FLRT2: variants seen among roughly 807,000 people sequenced by gnomAD.
FLRT2 encodes the protein fibronectin leucine rich transmembrane protein 2, also known as leucine-rich repeat transmembrane protein FLRT2.
FLRT2 carries 15 observed loss-of-function variants against 40.0 expected under a neutral mutation model. That is an observed-to-expected ratio of 0.38 (90% CI 0.25 to 0.58). FLRT2 has a LOEUF of 0.58. Among genes scored for constraint, FLRT2 ranks in the 20% least tolerant of loss-of-function variants. The pLI, the probability that FLRT2 is intolerant of heterozygous loss-of-function variation, is 0.71. For synonymous variants in FLRT2, 380 were observed against 336.8 expected (o/e 1.13, Z -1.41); for missense variants, 726 against 840.0 (o/e 0.86, Z 1.68).
At chr14:85,611,488 C>T (rs917802351) in intron 1 of FLRT2, among the ~76,000 whole-genome samples, 7 of 152,134 alleles carry the variant, frequency 4.6e-5, no homozygotes, top group East Asian at 1.9e-4. Context: ...AATGGAGGCT[C>T]ATCAGGAAAG....
rs543455496 is a variant in FLRT2 at position 85,625,490 on chromosome 14, G to A, written c.*1993G>A. On this transcript the variant is annotated 3_prime_UTR_variant, in exon 2 of 2. Coordinates refer to ENST00000330753, the MANE Select transcript of FLRT2 (RefSeq NM_013231.6). ...GAAAATATAACTGCAGCTGTATGTC[G>A]TAGACACAAGAATTGAAACTGTGCA... 1.3e-4 allele frequency: 21 copies of A among 167,012 alleles called. No individual in the cohort carries two copies. The highest frequency in any genetic ancestry group is 2.1e-4 in the South Asian group (1 of 4,824). 10.3% of individuals were successfully genotyped at this position (167,012 alleles called of 1,614,324 possible). A position where few individuals can be genotyped will look rare whatever the true frequency, so the allele number is the denominator to read the frequency against.
intron 1 of FLRT2, among the ~76,000 whole-genome samples, chr14:85,541,045 G>A (rs1356446872): frequency 6.6e-6 from 1 of 152,118 alleles, no homozygotes; most frequent in Admixed American, 6.6e-5. Context: ...GCTAGGTAGT[G>A]CCAGTTTAGC....
At chr14:85,556,726 T>A (rs528301162) in intron 1 of FLRT2, among the ~76,000 whole-genome samples, 1 of 152,358 alleles carries the variant, frequency 6.6e-6, no homozygotes, top group African/African-American at 2.4e-5. Flanking sequence ...ATACATAGAA[T>A]AGTGCTTGGC....
intron 1 of FLRT2, among the ~76,000 whole-genome samples, chr14:85,572,927 AAG>A (rs1174289473): frequency 6.6e-6 from 1 of 152,066 alleles, no homozygotes; most frequent in African/African-American, 2.4e-5. Flanking sequence ...TAACTCTCTC[AAG>A]AGAGAGTTTT....
At chr14:85,556,885 T>C (rs140181977) in intron 1 of FLRT2, among the ~76,000 whole-genome samples, 59 of 152,316 alleles carry the variant, frequency 3.9e-4, no homozygotes, top group African/African-American at 1.1e-3. Flanking sequence ...AGAGGTTTAA[T>C]TGGGCTTACA....
chr14:85,580,505 G>T (rs1891337854), intron 1 of FLRT2, among the ~76,000 whole-genome samples: 1 of 152,084 alleles, frequency 6.6e-6, no homozygotes, highest in African/African-American at 2.4e-5. Flanking sequence ...TTAGAAAATA[G>T]TATTCACACA....
chr14:85,554,420 A>G (rs1307053930), intron 1 of FLRT2, among the ~76,000 whole-genome samples: 1 of 152,166 alleles, frequency 6.6e-6, no homozygotes, highest in Non-Finnish European at 1.5e-5. Flanking sequence ...GTTGTATAGG[A>G]TGTACAGTAT....
chr14:85,584,215 A>G (rs1052767526), intron 1 of FLRT2, among the ~76,000 whole-genome samples: 4 of 152,186 alleles, frequency 2.6e-5, no homozygotes, highest in Non-Finnish European at 5.9e-5. Flanking sequence ...AGCAAAATGA[A>G]CAAGTTGATT....
chr14:85,625,503 T>C lies in FLRT2; in HGVS notation c.*2006T>C, dbSNP rs1402288450. 1 of 167,044 alleles carries C rather than the reference T, an allele frequency of 6.0e-6. No individual in the cohort carries two copies. The highest frequency in any genetic ancestry group is 1.9e-4 in the East Asian group (1 of 5,206). The allele number at this position is 167,044 out of a possible 1,614,324, so 10.3% of individuals were successfully genotyped here. ...CAGCTGTATGTCGTAGACACAAGAA[T>C]TGAAACTGTGCAGTCAGTAGAGCTG... On this transcript the variant is annotated 3_prime_UTR_variant, in exon 2 of 2. Transcript: ENST00000330753.
intron 1 of FLRT2, among the ~76,000 whole-genome samples, chr14:85,584,938 G>T (rs187453098): frequency 2.6e-5 from 4 of 151,916 alleles, no homozygotes; most frequent in African/African-American, 7.2e-5. Context: ...GTGGCAGGGC[G>T]GGGGGAAGGT....
At chr14:85,562,465 G>A (rs1277750452) in intron 1 of FLRT2, among the ~76,000 whole-genome samples, 1 of 152,124 alleles carries the variant, frequency 6.6e-6, no homozygotes, top group Non-Finnish European at 1.5e-5. Flanking sequence ...GGGAAACTCA[G>A]TCTCCTCCTC....
rs1595101257 is a variant in FLRT2 at position 85,624,625 on chromosome 14, C to T, written c.*1128C>T. ...TGAAGTAATATCTTTTATCCCCTTGCAAATTCTTGTCTTCCAATCATCTCC... is the reference window on the plus strand; with the variant it reads ...TGAAGTAATATCTTTTATCCCCTTGTAAATTCTTGTCTTCCAATCATCTCC... On this transcript the variant is annotated 3_prime_UTR_variant, in exon 2 of 2. Transcript: ENST00000330753. The T allele has an allele frequency of 1.8e-5, 3 of 166,958 alleles. No homozygotes were observed. The South Asian group carries it at 6.2e-4, about 35-fold the overall frequency. The allele number at this position is 166,958 out of a possible 1,614,324, so 10.3% of individuals were successfully genotyped here.
At position 85,653,449 on chromosome 14, in the gene FLRT2, G is replaced by C. The variant is rs1894480423; in HGVS notation, c.*29952G>C. 6.6e-6 allele frequency: 1 copy of C among 152,066 alleles called. No homozygotes were observed. The allele number at this position is 152,066 out of a possible 1,614,324, so 9.4% of individuals were successfully genotyped here. The stretch of plus-strand genomic sequence containing the variant: ...TAAGTCATTTAAAATAAACTTCCTA[G>C]CAAGTGATCTCTAGCATCTCAATTT... On this transcript the variant is annotated 3_prime_UTR_variant, in exon 2 of 2. Coordinates refer to ENST00000330753, the MANE Select transcript of FLRT2 (RefSeq NM_013231.6).
chr14:85,629,855 C>A lies in FLRT2; in HGVS notation c.*6358C>A, dbSNP rs1181699678. The A allele has an allele frequency of 6.6e-6, 1 of 152,086 alleles. No individual in the cohort carries two copies. The highest frequency in any genetic ancestry group is 1.5e-5 in the Non-Finnish European group (1 of 68,016). 9.4% of individuals were successfully genotyped at this position (152,086 alleles called of 1,614,324 possible). A position where few individuals can be genotyped will look rare whatever the true frequency, so the allele number is the denominator to read the frequency against. On this transcript the variant is annotated 3_prime_UTR_variant, in exon 2 of 2. Transcript: ENST00000330753. ...CTTTTAAAGCCCTTGGTCATCCATTCCTATTTTTTATAAAAATTCTTTTTG... is the reference window on the plus strand; with the variant it reads ...CTTTTAAAGCCCTTGGTCATCCATTACTATTTTTTATAAAAATTCTTTTTG...
At position 85,620,037 on chromosome 14, in the gene FLRT2, A is replaced by G. The variant is rs147411245; in HGVS notation, c.-376-1102A>G. Among the ~76,000 whole-genome samples the G allele has an allele frequency of 1.3e-3, 196 of 152,332 alleles. 1 individual carries two copies. The highest frequency in any genetic ancestry group is 4.5e-3 in the African/African-American group (186 of 41,570). On this transcript the variant is annotated intron_variant, in intron 1 of 1. Coordinates refer to ENST00000330753, the MANE Select transcript of FLRT2 (RefSeq NM_013231.6). ...ACAATGGTGTATCTCATCTGGACCT[A>G]GAGGTCTCGAAGGAGGAGATAAGTG...
At chr14:85,562,988 CTTATCTA>C (rs1890440089) in intron 1 of FLRT2, 1 of 151,946 alleles carries the variant, frequency 6.6e-6, no homozygotes, top group South Asian at 2.1e-4. Context: ...TCTTGTTCTA[CTTATCTA>C]GCGCCCTTTT....
In FLRT2 at chr14:85,649,513, A is replaced by G. The variant is rs2139409194; in HGVS notation, c.*26016A>G. 1 of 152,242 alleles carries G rather than the reference A, an allele frequency of 6.6e-6. No individual in the cohort carries two copies. The highest frequency in any genetic ancestry group is 1.9e-4 in the East Asian group (1 of 5,184). The allele number at this position is 152,242 out of a possible 1,614,324, so 9.4% of individuals were successfully genotyped here. ...TAACCACATTTGTTATCAGTAGCACACAATATATTGGATTAAGTTTTTGAA... is the reference window on the plus strand; with the variant it reads ...TAACCACATTTGTTATCAGTAGCACGCAATATATTGGATTAAGTTTTTGAA... On this transcript the variant is annotated 3_prime_UTR_variant, in exon 2 of 2. Transcript: ENST00000330753.
chr14:85,618,160 G>A (rs1893217795), intron 1 of FLRT2, among the ~76,000 whole-genome samples: 1 of 152,134 alleles, frequency 6.6e-6, no homozygotes, highest in Non-Finnish European at 1.5e-5. Context: ...TAATGTCCTT[G>A]AGGCTGTTAG....
intron 1 of FLRT2, among the ~76,000 whole-genome samples, chr14:85,594,207 T>C (rs1892031463): frequency 6.6e-6 from 1 of 152,236 alleles, no homozygotes; most frequent in Non-Finnish European, 1.5e-5. Context: ...TGTTTAGTAA[T>C]GTTAAACATA....
Sources: gnomAD v4.1 joint callset for allele counts (sites outside exome capture counted in the v4.1 genomes callset) on GRCh38, gnomAD v4.1.1 for gene constraint, MANE v1.5 for transcripts, NCBI Gene and HGNC (gene_info 2026-07-23, HGNC 2026-07-21) for gene names.